UQCC1: variants seen among roughly 807,000 people sequenced by gnomAD.
UQCC1 encodes the protein ubiquinol-cytochrome c reductase complex assembly factor 1.
In UQCC1, 38 loss-of-function variants were observed where a neutral mutation model predicts 48.0. The ratio of observed to expected loss-of-function variants is 0.79; its 90% CI spans 0.61 to 1.04. The LOEUF (loss-of-function observed/expected upper bound fraction) is 1.04, where lower values mean the gene tolerates loss of function less well. Ranked by LOEUF, UQCC1 falls within the 50% of genes least tolerant of loss-of-function variation. UQCC1 has a pLI of 0.00. For missense variants in UQCC1, 368 were observed against 381.8 expected, an observed-to-expected ratio of 0.96 and a Z score of 0.30; for synonymous variants, 111 against 129.2, an observed-to-expected ratio of 0.86 and a Z score of 0.95.
intron 1 of UQCC1, among the ~76,000 whole-genome samples, chr20:35,408,480 G>T (rs2062285994): frequency 1.3e-5 from 2 of 152,198 alleles, no homozygotes; most frequent in Non-Finnish European, 2.9e-5. Flanking sequence ...AGGATGTGGT[G>T]AAACTGGAAC....
At chr20:35,384,882 G>C (rs1223651285) in intron 2 of UQCC1, among the ~76,000 whole-genome samples, 1 of 143,532 alleles carries the variant, frequency 7.0e-6, no homozygotes, top group Non-Finnish European at 1.5e-5. Flanking sequence ...CAGGAGAATA[G>C]CTTGAACTGA....
chr20:35,360,191 C>T (rs917290437), intron 6 of UQCC1, among the ~76,000 whole-genome samples: 6 of 152,182 alleles, frequency 3.9e-5, no homozygotes, highest in African/African-American at 1.4e-4. Flanking sequence ...TTGAACACTG[C>T]AACTCTGGCT....
chr20:35,339,261 G>A (rs2061351727), intron 7 of UQCC1, among the ~76,000 whole-genome samples: 1 of 152,082 alleles, frequency 6.6e-6, no homozygotes, highest in African/African-American at 2.4e-5. Context: ...TAGGCATGTG[G>A]TTTAAGACAC....
At chr20:35,383,977 G>T in intron 3 of UQCC1, 61 bp downstream of exon 3, 3 of 1,463,732 alleles carry the variant, frequency 2.0e-6, no homozygotes, top group Non-Finnish European at 2.8e-6. Flanking sequence ...ATTTTGTTGA[G>T]ATCCAAAGAA....
At chr20:35,305,932 C>T (rs1355020772) in intron 9 of UQCC1, among the ~76,000 whole-genome samples, 1 of 152,230 alleles carries the variant, frequency 6.6e-6, no homozygotes, top group Non-Finnish European at 1.5e-5. Flanking sequence ...GGCAGCTGTG[C>T]AGGCTGACTC....
intron 2 of UQCC1, among the ~76,000 whole-genome samples, chr20:35,387,929 A>G (rs1302498157): frequency 2.0e-5 from 3 of 152,062 alleles, no homozygotes; most frequent in Non-Finnish European, 2.9e-5. Context: ...GTACCTACCT[A>G]CATGCTTGGT....
intron 1 of UQCC1, among the ~76,000 whole-genome samples, chr20:35,400,932 A>G (rs895725816): frequency 2.0e-4 from 30 of 152,108 alleles, no homozygotes; most frequent in African/African-American, 7.2e-4. Flanking sequence ...CAGTCCACTG[A>G]CAGGCCTGTT....
At chr20:35,306,988 G>T in intron 8 of UQCC1, 1 of 590,106 alleles carries the variant, frequency 1.7e-6, no homozygotes, top group Non-Finnish European at 3.1e-6. Context: ...TACATACAGA[G>T]GGAGAACAGG....
At chr20:35,407,300 T>C (rs1026908405) in intron 1 of UQCC1, among the ~76,000 whole-genome samples, 1 of 151,656 alleles carries the variant, frequency 6.6e-6, no homozygotes, top group African/African-American at 2.4e-5. Flanking sequence ...TGCTGGTGCA[T>C]GACTGTAATC....
chr20:35,370,045 C>T (rs914467045), intron 5 of UQCC1, among the ~76,000 whole-genome samples: 11 of 152,082 alleles, frequency 7.2e-5, no homozygotes, highest in Admixed American at 5.2e-4. Context: ...GTCAGCAAAC[C>T]GCAGTGTACT....
chr20:35,366,159 T>C (rs2061664163), intron 6 of UQCC1, among the ~76,000 whole-genome samples: 1 of 152,228 alleles, frequency 6.6e-6, no homozygotes, highest in Non-Finnish European at 1.5e-5. Flanking sequence ...GTCAGTGCTA[T>C]AATTTGTTAT....
chr20:35,379,999 T>TA (rs2061847465), intron 4 of UQCC1, among the ~76,000 whole-genome samples: 1 of 152,086 alleles, frequency 6.6e-6, no homozygotes, highest in Admixed American at 6.6e-5. Flanking sequence ...CTCCAAATGA[T>TA]AGCCAATTTT....
intron 2 of UQCC1, among the ~76,000 whole-genome samples, chr20:35,391,152 C>T (rs143501303): frequency 0.016 from 2,353 of 151,370 alleles, 163 homozygotes; most frequent in East Asian, 0.15. Context: ...CAAGATCGCA[C>T]CACTGCACTC....
At position 35,307,278 on chromosome 20, in the gene UQCC1, G is replaced by A. The variant is rs1187769686; in HGVS notation, c.652-499C>T. ...AAGGCAAGGCAACTGGTCCTTGGGG[G>A]AAGGGAGCCAGCTACCTTGTCTTCA... On this transcript the variant is annotated intron_variant, in intron 8 of 9. Transcript: ENST00000374385. Among the ~76,000 whole-genome samples, 18 of 152,300 alleles carry A rather than the reference G, an allele frequency of 1.2e-4. No individual in the cohort carries two copies. In the East Asian group the frequency reaches 3.5e-3, roughly 29 times the overall value.
At chr20:35,311,582 C>T (rs1479273601) in intron 8 of UQCC1, among the ~76,000 whole-genome samples, 2 of 152,214 alleles carry the variant, frequency 1.3e-5, no homozygotes, top group African/African-American at 4.8e-5. Context: ...ACCCCCATCA[C>T]GTGCAGCTGT....
intron 5 of UQCC1, among the ~76,000 whole-genome samples, chr20:35,369,006 T>G (rs929827363): frequency 6.6e-6 from 1 of 152,228 alleles, no homozygotes; most frequent in African/African-American, 2.4e-5. Flanking sequence ...AAAATTTTCT[T>G]GGAAGTCTGT....
chr20:35,314,362 T>C (rs1276767395), intron 8 of UQCC1, among the ~76,000 whole-genome samples: 1 of 151,718 alleles, frequency 6.6e-6, no homozygotes, highest in Non-Finnish European at 1.5e-5. Flanking sequence ...AATATCCTCC[T>C]CTCTCTGGGA....
chr20:35,379,376 T>C (rs865907989), intron 4 of UQCC1, among the ~76,000 whole-genome samples: 1 of 152,088 alleles, frequency 6.6e-6, no homozygotes, highest in South Asian at 2.1e-4. Context: ...TGCAATCCAA[T>C]ACAAGTGCAT....
intron 7 of UQCC1, 89 bp from the exon 8 acceptor site, chr20:35,314,854 A>C: frequency 9.9e-7 from 1 of 1,012,934 alleles, no homozygotes; most frequent in Non-Finnish European, 1.4e-6. Context: ...GCTGTCACAG[A>C]CTCTTAGTAG....
Sources: allele counts gnomAD v4.1 joint callset (sites outside exome capture counted in the v4.1 genomes callset), GRCh38; gene constraint gnomAD v4.1.1; transcripts MANE v1.5; gene names NCBI Gene and HGNC (gene_info 2026-07-23, HGNC 2026-07-21).